Variants in CREB5 observed in about 807,000 individuals in gnomAD.
CREB5 encodes cyclic AMP-responsive element-binding protein 5.
A neutral mutation model predicts 57.1 loss-of-function variants in CREB5; 19 were observed. That is an observed-to-expected ratio of 0.33 (90% CI 0.23 to 0.49). The LOEUF is 0.49. CREB5 is among the 20% of genes least tolerant of loss of function. The pLI, the probability that CREB5 is intolerant of heterozygous loss-of-function variation, is 0.99. For synonymous variants in CREB5, 238 were observed against 238.3 expected (o/e 1.00, Z 0.01); for missense variants, 579 against 671.6 (o/e 0.86, Z 1.52).
upstream of CREB5, chr7:28,409,938 G>A (rs1000384428): frequency 4.4e-6 from 2 of 453,628 alleles, no homozygotes; most frequent in Non-Finnish European, 8.9e-6. This position sits in a 1 kb window ranked among gnomAD's most constrained non-coding sequence, Gnocchi z 4.4. Flanking sequence ...GCGGTCAAGC[G>A]GCAGCGGAGA....
chr7:28,611,088 T>C (rs145822360), intron 5 of CREB5, among the ~76,000 whole-genome samples: 14 of 152,204 alleles, frequency 9.2e-5, no homozygotes, highest in African/African-American at 2.9e-4. Context: ...CTCTTAAACT[T>C]ACAGGAAGAG....
intron 7 of CREB5, among the ~76,000 whole-genome samples, chr7:28,797,412 T>C (rs1294222852): frequency 6.6e-6 from 1 of 152,220 alleles, no homozygotes; most frequent in Non-Finnish European, 1.5e-5. Context: ...GTTAGTAAGT[T>C]TGAATGATGT....
intron 4 of CREB5, among the ~76,000 whole-genome samples, chr7:28,549,198 G>A (rs370330946): frequency 2.0e-5 from 3 of 152,278 alleles, no homozygotes; most frequent in East Asian, 3.9e-4. Context: ...TCAGCTTTGT[G>A]AAGATGTGAA....
At chr7:28,735,114 T>C (rs1803899978) in intron 7 of CREB5, among the ~76,000 whole-genome samples, 1 of 148,210 alleles carries the variant, frequency 6.7e-6, no homozygotes, top group South Asian at 2.1e-4. Flanking sequence ...TTTGGTTTTT[T>C]TTGTTTTTTT....
intron 7 of CREB5, among the ~76,000 whole-genome samples, chr7:28,737,573 ATATATATATATATATT>A (rs1804092176): frequency 1.9e-5 from 1 of 52,324 alleles, no homozygotes; most frequent in Admixed American, 2.2e-4. Context: ...ATATATATAT[ATATATATATATATATT>A]TTTAACTCCT....
intron 1 of CREB5, among the ~76,000 whole-genome samples, chr7:28,305,716 T>C (rs973264493): frequency 1.4e-5 from 2 of 147,416 alleles, no homozygotes; most frequent in African/African-American, 5.2e-5. Flanking sequence ...TGTTTTTCTT[T>C]TCTTTTTTTT....
At chr7:28,326,219 A>G (rs1455789671) in intron 1 of CREB5, among the ~76,000 whole-genome samples, 3 of 151,612 alleles carry the variant, frequency 2.0e-5, no homozygotes, top group Non-Finnish European at 2.9e-5. Context: ...CTACCTATCT[A>G]TCTTGAAAAA....
At position 28,814,223 on chromosome 7, in the gene CREB5, A is replaced by G. The variant is rs532507980; in HGVS notation, c.1255-3848A>G. Among the ~76,000 whole-genome samples, 6 of 152,348 alleles carry G rather than the reference A, an allele frequency of 3.9e-5. No homozygotes were observed. The East Asian group carries it at 7.7e-4, about 20-fold the overall frequency. Reference sequence around the variant, plus strand: ...AGCGTTTTTACTTAAAATATAGTCTAGTATTTGTGCATTTCCTACACTAAT... The same window carrying G: ...AGCGTTTTTACTTAAAATATAGTCTGGTATTTGTGCATTTCCTACACTAAT... On this transcript the variant is annotated intron_variant, in intron 9 of 10. Transcript: ENST00000357727.
Position 28,725,659 on chromosome 7 carries a change from A to AAG in CREB5, c.702+1328_702+1329insGA, listed in dbSNP as rs58640408. Among the ~76,000 whole-genome samples, 1,030 of 148,262 alleles carry AAG rather than the reference A, an allele frequency of 6.9e-3. 7 individuals carry two copies. The highest frequency in any genetic ancestry group is 0.033 in the Middle Eastern group (9 of 272). ...ATATCTTTTTTTAAAAAAAAAAAAA[A>AAG]AAAGAAAGAAAGAAAGAAAGAAAAG... On this transcript the variant is annotated intron_variant, in intron 7 of 10. Transcript: ENST00000357727.
chr7:28,647,295 G>A (rs1435867119), intron 5 of CREB5, among the ~76,000 whole-genome samples: 1 of 151,774 alleles, frequency 6.6e-6, no homozygotes, highest in Non-Finnish European at 1.5e-5. Context: ...ACTTGTCCTG[G>A]AGTCACAGAC....
chr7:28,341,672 T>C (rs968268130), intron 1 of CREB5, among the ~76,000 whole-genome samples: 3 of 152,256 alleles, frequency 2.0e-5, no homozygotes, highest in African/African-American at 2.4e-5. Context: ...ACGTAAGATG[T>C]ACCCAATAAC....
intron 4 of CREB5, among the ~76,000 whole-genome samples, chr7:28,540,134 T>C (rs937398540): frequency 6.6e-6 from 1 of 152,206 alleles, no homozygotes. Context: ...GCTTATTTTA[T>C]AATATCGACC....
At chr7:28,504,067 A>G (rs1331724543) in intron 3 of CREB5, among the ~76,000 whole-genome samples, 2 of 152,202 alleles carry the variant, frequency 1.3e-5, no homozygotes, top group African/African-American at 2.4e-5. Context: ...TTCCAGTTAC[A>G]ACAAGAACCA....
intron 5 of CREB5, among the ~76,000 whole-genome samples, chr7:28,678,535 T>A (rs754432459): frequency 3.3e-5 from 5 of 152,250 alleles, no homozygotes; most frequent in Non-Finnish European, 7.3e-5. Context: ...AGTTTAGAGA[T>A]GAATTTTACC....
At chr7:28,456,449 A>T (rs1219114906) in intron 1 of CREB5, among the ~76,000 whole-genome samples, 1 of 151,954 alleles carries the variant, frequency 6.6e-6, no homozygotes, top group Non-Finnish European at 1.5e-5. Context: ...GCTGTTTCGG[A>T]TGCTCTCACT....
intron 1 of CREB5, among the ~76,000 whole-genome samples, chr7:28,304,576 CTAT>C (rs1785152768): frequency 1.3e-5 from 2 of 152,142 alleles, no homozygotes; most frequent in Non-Finnish European, 2.9e-5. Context: ...AAACTTGTTC[CTAT>C]CTCTTTCACC....
At chr7:28,803,583 C>A (rs561143519) in intron 7 of CREB5, among the ~76,000 whole-genome samples, 1 of 151,858 alleles carries the variant, frequency 6.6e-6, no homozygotes, top group Non-Finnish European at 1.5e-5. Flanking sequence ...ATGATGAAAC[C>A]CCATCTCTAC....
intron 7 of CREB5, among the ~76,000 whole-genome samples, chr7:28,792,214 G>A (rs1807756128): frequency 6.6e-6 from 1 of 152,066 alleles, no homozygotes; most frequent in African/African-American, 2.4e-5. Flanking sequence ...TGAGGCATGA[G>A]ACTTGCTTGA....
At chr7:28,321,662 C>G (rs886934946) in intron 1 of CREB5, among the ~76,000 whole-genome samples, 9 of 152,136 alleles carry the variant, frequency 5.9e-5, no homozygotes. Flanking sequence ...AGAGGGTTGG[C>G]AGAGAACCCA....
Sources: gnomAD v4.1 joint callset for allele counts (sites outside exome capture counted in the v4.1 genomes callset) on GRCh38, gnomAD v4.1.1 for gene constraint, Gnocchi (gnomAD v3.1) non-coding constraint, MANE v1.5 for transcripts, NCBI Gene and HGNC (gene_info 2026-07-23, HGNC 2026-07-21) for gene names.